The following MTA3 variants were observed in gnomAD, a reference collection of about 807,000 sequenced individuals.
MTA3 encodes metastasis associated 1 family member 3.
MTA3 carries 34 observed loss-of-function variants against 83.5 expected under a neutral mutation model. That is an observed-to-expected ratio of 0.41 (90% CI 0.31 to 0.54). The LOEUF (loss-of-function observed/expected upper bound fraction) is 0.54, where lower values mean the gene tolerates loss of function less well. MTA3 is among the 20% of genes least tolerant of loss of function. The pLI, the probability that MTA3 is intolerant of heterozygous loss-of-function variation, is 0.33. For missense variants in MTA3, 761 were observed against 726.4 expected (o/e 1.05, Z -0.55); for synonymous variants, 303 against 252.7 (o/e 1.20, Z -1.89).
intron 8 of MTA3, among the ~76,000 whole-genome samples, chr2:42,670,368 C>A (rs1454078124): frequency 6.6e-6 from 1 of 152,220 alleles, no homozygotes; most frequent in South Asian, 2.1e-4. Flanking sequence ...ACCATCTTTA[C>A]CACATTTGCT....
intron 3 of MTA3, among the ~76,000 whole-genome samples, chr2:42,600,113 G>T (rs557284496): frequency 6.6e-6 from 1 of 152,162 alleles, no homozygotes; most frequent in East Asian, 1.9e-4. Flanking sequence ...CAGGAGAATC[G>T]CTTGAACCCA....
intron 7 of MTA3, among the ~76,000 whole-genome samples, chr2:42,657,668 A>C (rs541478556): frequency 6.6e-6 from 1 of 151,224 alleles, no homozygotes; most frequent in Non-Finnish European, 1.5e-5. Context: ...TGGCTTATGC[A>C]TGTAACCCCA....
chr2:42,598,312 G>C (rs891903782), intron 3 of MTA3, among the ~76,000 whole-genome samples: 1 of 149,020 alleles, frequency 6.7e-6, no homozygotes. Flanking sequence ...TGATCCACCC[G>C]CCTCGGCCTC....
At chr2:42,528,674 C>A (rs1675827834) in intron 2 of MTA3, among the ~76,000 whole-genome samples, 1 of 152,196 alleles carries the variant, frequency 6.6e-6, no homozygotes, top group African/African-American at 2.4e-5. Flanking sequence ...AAATTGCCTG[C>A]CCTTTCTGAG....
chr2:42,754,028 A>G lies in MTA3; in HGVS notation c.*629A>G, dbSNP rs1158736103. On this transcript the variant is annotated 3_prime_UTR_variant, in exon 17 of 17. Coordinates refer to ENST00000405094, the MANE Select transcript of MTA3 (RefSeq NM_001330442.2). ...ACCCTCCCTCCTACTCCTCCAAGGA[A>G]CAGAATTACCGAGGTTCTGACAAAA... is the stretch of plus-strand genomic sequence containing the variant. 1 of 985,372 alleles carries G rather than the reference A, an allele frequency of 1.0e-6. No homozygotes were observed. Among genetic ancestry groups the G allele is most frequent in the African/African-American group, 1.7e-5 (1 of 57,232 alleles). The allele number at this position is 985,372 out of a possible 1,614,324, so 61.0% of individuals were successfully genotyped here. A position where few individuals can be genotyped will look rare whatever the true frequency, so the allele number is the denominator to read the frequency against.
intron 7 of MTA3, among the ~76,000 whole-genome samples, chr2:42,658,710 T>G (rs925555557): frequency 1.9e-4 from 29 of 152,202 alleles, no homozygotes; most frequent in African/African-American, 7.0e-4. Context: ...GTGTTCACTT[T>G]ACAGTAACTA....
chr2:42,581,360 C>CTTT (rs778419810), intron 3 of MTA3, among the ~76,000 whole-genome samples: 31 of 88,262 alleles, frequency 3.5e-4, no homozygotes, highest in African/African-American at 6.3e-4. Flanking sequence ...TCCCAAATTG[C>CTTT]TTTTTTTTTT....
At chr2:42,664,082 A>G (rs1054269627) in intron 8 of MTA3, among the ~76,000 whole-genome samples, 4 of 152,220 alleles carry the variant, frequency 2.6e-5, no homozygotes, top group South Asian at 2.1e-4. Flanking sequence ...TACCTCTTCT[A>G]TCTACCCTTC....
intron 3 of MTA3, among the ~76,000 whole-genome samples, chr2:42,604,306 G>A (rs1374624229): frequency 6.6e-6 from 1 of 152,228 alleles, no homozygotes; most frequent in African/African-American, 2.4e-5. Flanking sequence ...GCCTCCCAAA[G>A]TGCTGGGATT....
intron 16 of MTA3, among the ~76,000 whole-genome samples, chr2:42,733,219 A>G (rs111441124): frequency 9.2e-5 from 14 of 152,364 alleles, no homozygotes; most frequent in African/African-American, 3.1e-4. Flanking sequence ...TTACAGTTCC[A>G]TATGGCTGGG....
At chr2:42,686,122 C>T (rs574994473) in intron 9 of MTA3, among the ~76,000 whole-genome samples, 2 of 152,152 alleles carry the variant, frequency 1.3e-5, no homozygotes, top group African/African-American at 4.8e-5. Flanking sequence ...TTTCATCCCA[C>T]TACCCAAAAG....
intron 2 of MTA3, among the ~76,000 whole-genome samples, chr2:42,562,147 G>A (rs978343429): frequency 6.6e-6 from 1 of 152,102 alleles, no homozygotes; most frequent in African/African-American, 2.4e-5. Flanking sequence ...TTCTTCTTCT[G>A]TCTCTTATAA....
intron 16 of MTA3, among the ~76,000 whole-genome samples, chr2:42,735,627 T>G (rs930433927): frequency 2.0e-5 from 3 of 152,216 alleles, no homozygotes; most frequent in African/African-American, 7.2e-5. Flanking sequence ...TTTCTAGATC[T>G]TTTAAGTGTG....
At position 42,734,470 on chromosome 2, in the gene MTA3, CTTTTT is replaced by C. The variant is rs3040123; in HGVS notation, c.1759+11453_1759+11457del. On this transcript the variant is annotated intron_variant, in intron 16 of 16. Coordinates refer to ENST00000405094, the MANE Select transcript of MTA3 (RefSeq NM_001330442.2). ...TCTTGTAGGCAACAGATCACGGGGC[CTTTTT>C]TTTTTTTTTTTTTTTTTAATCCATT... 4.8e-3 allele frequency among the ~76,000 whole-genome samples: 398 copies of C among 82,458 alleles called. 1 individual carries two copies. Among genetic ancestry groups the C allele is most frequent in the South Asian group, 0.014 (35 of 2,448 alleles). 54.1% of individuals were successfully genotyped at this position (82,458 alleles called of 152,430 possible).
At chr2:42,554,606 G>GA (rs1290453194) in intron 2 of MTA3, among the ~76,000 whole-genome samples, 2 of 151,642 alleles carry the variant, frequency 1.3e-5, no homozygotes, top group Admixed American at 6.6e-5. Context: ...CACAGGGAGG[G>GA]AAAAAAAACA....
At position 42,568,710 on chromosome 2, in the gene MTA3, G is replaced by GGGCTC. The variant is rs1380042149; in HGVS notation, c.-28_-24dup. 3 of 1,208,038 alleles carry GGGCTC rather than the reference G, an allele frequency of 2.5e-6. No homozygotes were observed. The highest frequency in any genetic ancestry group is 3.2e-5 in the African/African-American group (2 of 63,136). The allele number at this position is 1,208,038 out of a possible 1,614,324, so 74.8% of individuals were successfully genotyped here. A position where few individuals can be genotyped will look rare whatever the true frequency, so the allele number is the denominator to read the frequency against. Reference sequence around the variant, plus strand: ...GAGGAGGAGGCGGCGGCGGCGGGCGGGGCTCGGCTCGGGCTCCGCGGGCGG... The same window carrying GGGCTC: ...GAGGAGGAGGCGGCGGCGGCGGGCGGGGCTCGGCTCGGCTCGGGCTCCGCGGGCGG... On this transcript the variant is annotated 5_prime_UTR_variant, in exon 1 of 17. Coordinates refer to ENST00000405094, the MANE Select transcript of MTA3 (RefSeq NM_001330442.2).
In MTA3 at chr2:42,670,038, T is replaced by C. The variant is rs373817771; in HGVS notation, c.702+10176T>C. On this transcript the variant is annotated intron_variant, in intron 8 of 16. Transcript: ENST00000405094. Reference sequence around the variant, plus strand: ...CAGGCGTGAGGCCAAGGCAGGTAGATCATCTGAGGTCAGGAGTTCGAGACC... The same window carrying C: ...CAGGCGTGAGGCCAAGGCAGGTAGACCATCTGAGGTCAGGAGTTCGAGACC... Among the ~76,000 whole-genome samples the C allele has an allele frequency of 3.3e-5, 5 of 152,138 alleles. No individual in the cohort carries two copies. In the East Asian group the frequency reaches 7.7e-4, roughly 23 times the overall value.
chr2:42,665,638 C>T (rs1690170629), intron 8 of MTA3, among the ~76,000 whole-genome samples: 1 of 152,162 alleles, frequency 6.6e-6, no homozygotes, highest in Admixed American at 6.5e-5. Flanking sequence ...TGGATCGAAG[C>T]CTTAGACCTG....
At position 42,748,937 on chromosome 2, in the gene MTA3, C is replaced by T. The variant is rs115094350; in HGVS notation, c.1760-4437C>T. 3.3e-3 allele frequency among the ~76,000 whole-genome samples: 504 copies of T among 152,270 alleles called. 4 individuals are homozygous for T. The highest frequency in any genetic ancestry group is 0.011 in the African/African-American group (471 of 41,536). ...ACATATTTCAATTTTGCCCTTAGTC[C>T]GATGGGATTTCAATGGAAAGACCAA... On this transcript the variant is annotated intron_variant, in intron 16 of 16. Transcript: ENST00000405094.
Sources: allele counts gnomAD v4.1 joint callset (sites outside exome capture counted in the v4.1 genomes callset), GRCh38; gene constraint gnomAD v4.1.1; transcripts MANE v1.5; gene names NCBI Gene and HGNC (gene_info 2026-07-23, HGNC 2026-07-21).